Variants in WDR33 observed in about 807,000 individuals in gnomAD.
WDR33 encodes WD repeat domain 33.
In WDR33, 47 loss-of-function variants were observed where a neutral mutation model predicts 164.9. That is an observed-to-expected ratio of 0.29 (90% CI 0.23 to 0.36). The LOEUF (loss-of-function observed/expected upper bound fraction) is 0.36, where lower values mean the gene tolerates loss of function less well. Ranked by LOEUF, WDR33 falls within the 10% of genes least tolerant of loss-of-function variation. The pLI is 1.00. For missense variants in WDR33, 1,137 were observed against 1,754.1 expected (o/e 0.65, Z 6.28); for synonymous variants, 505 against 589.0 (o/e 0.86, Z 2.06).
At chr2:127,809,805 T>A (rs1689582434) in intron 1 of WDR33, among the ~76,000 whole-genome samples, 1 of 152,078 alleles carries the variant, frequency 6.6e-6, no homozygotes, top group Admixed American at 6.6e-5. Context: ...CTCCCCAAGT[T>A]TCAAGAAGAT....
intron 7 of WDR33, chr2:127,736,483 T>TA (rs1218404398): frequency 8.1e-6 from 8 of 985,216 alleles, no homozygotes; most frequent in Non-Finnish European, 9.6e-6. Flanking sequence ...TACACAAACA[T>TA]AAAAAAGCAA....
At position 127,712,303 on chromosome 2, in the gene WDR33, G is replaced by A. The variant is rs1298964984; in HGVS notation, c.3308+1280C>T. Among the ~76,000 whole-genome samples the A allele has an allele frequency of 6.6e-6, 1 of 152,036 alleles. No homozygotes were observed. The highest frequency in any genetic ancestry group is 1.9e-4 in the East Asian group (1 of 5,150). Reference sequence around the variant, plus strand: ...CCCAGCTCCTCAAGAGGCTGAGACAGGAGAATCACTTGAACCTGGAAGGTG... The same window carrying A: ...CCCAGCTCCTCAAGAGGCTGAGACAAGAGAATCACTTGAACCTGGAAGGTG... On this transcript the variant is annotated intron_variant, in intron 18 of 21. Transcript: ENST00000322313. This position sits in a 1 kb window ranked among gnomAD's most constrained non-coding sequence, Gnocchi z 4.0.
chr2:127,775,582 A>C (rs1417754516), intron 1 of WDR33, among the ~76,000 whole-genome samples: 1 of 152,246 alleles, frequency 6.6e-6, no homozygotes, highest in East Asian at 1.9e-4. Context: ...ACAAAGCACT[A>C]ATCAAAAGAC....
chr2:127,722,735 A>G lies in WDR33; in HGVS notation c.1379-5T>C, dbSNP rs781178857. 1 of 1,613,000 alleles carries G rather than the reference A, an allele frequency of 6.2e-7. No homozygotes were observed. Among genetic ancestry groups the G allele is most frequent in the East Asian group, 2.2e-5 (1 of 44,868 alleles). On this transcript the variant is annotated splice_polypyrimidine_tract_variant and splice_region_variant and intron_variant, in intron 13 of 21. Transcript: ENST00000322313. The surrounding 1 kb of genome is among the most constrained non-coding windows in gnomAD (Gnocchi z 5.1). Reference sequence around the variant, plus strand: ...TTTCATTTGATTCATCTTTCCCTGTAACCGTAAAGAAAAGTGGTTTGCCTC... The same window carrying G: ...TTTCATTTGATTCATCTTTCCCTGTGACCGTAAAGAAAAGTGGTTTGCCTC...
chr2:127,723,810 C>T lies in WDR33; in HGVS notation c.1197-463G>A, dbSNP rs982953518. Among the ~76,000 whole-genome samples, 1 of 152,006 alleles carries T rather than the reference C, an allele frequency of 6.6e-6. No homozygotes were observed. Among genetic ancestry groups the T allele is most frequent in the Non-Finnish European group, 1.5e-5 (1 of 68,002 alleles). ...TAAAATGTGGGGCCGGGCAAGGTGG[C>T]TCATGCCTGTAATCCCAGCACCTTG... On this transcript the variant is annotated intron_variant, in intron 11 of 21. Coordinates refer to ENST00000322313, the MANE Select transcript of WDR33 (RefSeq NM_018383.5). The surrounding 1 kb of genome is among the most constrained non-coding windows in gnomAD (Gnocchi z 5.9).
At chr2:127,711,665 G>C (rs72968939) in intron 18 of WDR33, among the ~76,000 whole-genome samples, 8,963 of 146,734 alleles carry the variant, frequency 0.061, 563 homozygotes, top group African/African-American at 0.16. Flanking sequence ...CCCCGACTAT[G>C]TCATGCTTCT....
At chr2:127,711,776 A>ATTTTTTTTTTTTTTTTTT (rs1284723078) in intron 18 of WDR33, among the ~76,000 whole-genome samples, 4 of 94,088 alleles carry the variant, frequency 4.3e-5, no homozygotes, top group African/African-American at 1.2e-4. Flanking sequence ...ATATATATAT[A>ATTTTTTTTTTTTTTTTTT]TATATTTTTT....
rs968756717 is a variant in WDR33 at position 127,721,171 on chromosome 2, G to A, written c.1671+665C>T. Among the ~76,000 whole-genome samples the A allele has an allele frequency of 6.6e-6, 1 of 151,856 alleles. No individual in the cohort carries two copies. Among genetic ancestry groups the A allele is most frequent in the Non-Finnish European group, 1.5e-5 (1 of 67,968 alleles). On this transcript the variant is annotated intron_variant, in intron 15 of 21. Transcript: ENST00000322313. The surrounding 1 kb of genome is among the most constrained non-coding windows in gnomAD (Gnocchi z 4.9). ...GGCACAGGCTGGAGTGCAGTGGTAC[G>A]ATCTCGGCTCACTGAAACTTCTGCC...
In WDR33 at chr2:127,736,219, A is replaced by T. The variant is rs556751738; in HGVS notation, c.725-9442T>A. The T allele has an allele frequency of 6.1e-6, 6 of 985,464 alleles. No homozygotes were observed. The African/African-American group carries it at 8.7e-5, about 14-fold the overall frequency. 61.0% of individuals were successfully genotyped at this position (985,464 alleles called of 1,614,324 possible). A position where few individuals can be genotyped will look rare whatever the true frequency, so the allele number is the denominator to read the frequency against. ...AAGGCTGATTTTGGAAATGTGAAAC[A>T]CTAGCTTACTACATTTGTCTGGCAA... On this transcript the variant is annotated intron_variant, in intron 7 of 21. Transcript: ENST00000322313.
chr2:127,707,021 G>C (rs1686032884), intron 21 of WDR33, among the ~76,000 whole-genome samples: 1 of 152,224 alleles, frequency 6.6e-6, no homozygotes, highest in South Asian at 2.1e-4. Flanking sequence ...CCCGTGACAT[G>C]TGGCACTTTT....
Position 127,720,027 on chromosome 2 carries a change from T to C in WDR33, c.1998A>G (p.Pro666=), listed in dbSNP as rs201126759. The C allele has an allele frequency of 1.9e-6, 3 of 1,613,926 alleles. No homozygotes were observed. In the East Asian group the frequency reaches 6.7e-5, roughly 36 times the overall value. The change falls in exon 16 of 22, where the codon CCA becomes CCG. Residue 666 remains proline, a synonymous_variant. Transcript: ENST00000322313. This position sits in a 1 kb window ranked among gnomAD's most constrained non-coding sequence, Gnocchi z 5.9. Reference sequence around the variant, plus strand: ...GGGGCCCATGCATGTCCTGAGGCCGTGGCAACCCCTGGGGCGGGCCCTGGG... The same window carrying C: ...GGGGCCCATGCATGTCCTGAGGCCGCGGCAACCCCTGGGGCGGGCCCTGGG... ...QGPQGPPQGL[P]RPQDMHGPQG... is the part of the protein sequence containing the mutation.
intron 1 of WDR33, among the ~76,000 whole-genome samples, chr2:127,785,466 A>T (rs1168179366): frequency 1.3e-5 from 2 of 152,082 alleles, no homozygotes; most frequent in Non-Finnish European, 2.9e-5. Context: ...CCTCTGCTCT[A>T]TCTATTCATC....
At chr2:127,793,348 T>C (rs1366908511) in intron 1 of WDR33, among the ~76,000 whole-genome samples, 3 of 151,492 alleles carry the variant, frequency 2.0e-5, no homozygotes, top group East Asian at 3.9e-4. Flanking sequence ...GGAGAATCGC[T>C]TCAACCCGGG....
At chr2:127,730,239 T>C (rs1686669979) in intron 7 of WDR33, among the ~76,000 whole-genome samples, 1 of 152,198 alleles carries the variant, frequency 6.6e-6, no homozygotes, top group African/African-American at 2.4e-5. Context: ...CATATATCAT[T>C]AAAAGAATGT....
At chr2:127,767,796 G>A (rs141367630) in intron 4 of WDR33, among the ~76,000 whole-genome samples, 8 of 152,204 alleles carry the variant, frequency 5.3e-5, no homozygotes, top group South Asian at 2.1e-4. Flanking sequence ...TAAAAATTAC[G>A]GTACACCACA....
chr2:127,759,496 G>A lies in WDR33; in HGVS notation c.724+3566C>T, dbSNP rs148693849. On this transcript the variant is annotated intron_variant, in intron 7 of 21. Coordinates refer to ENST00000322313, the MANE Select transcript of WDR33 (RefSeq NM_018383.5). The stretch of plus-strand genomic sequence containing the variant: ...ACGTGAGGTCAGCAGCTCTAGACCA[G>A]CCTGGTCAACATGGTGAAACTCTGT... Among the ~76,000 whole-genome samples, 194 of 152,210 alleles carry A rather than the reference G, an allele frequency of 1.3e-3. 1 individual carries two copies. Among genetic ancestry groups the A allele is most frequent in the Middle Eastern group, 6.8e-3 (2 of 294 alleles).
chr2:127,795,028 A>T (rs2105486455), intron 1 of WDR33, among the ~76,000 whole-genome samples: 1 of 151,690 alleles, frequency 6.6e-6, no homozygotes, highest in Non-Finnish European at 1.5e-5. Flanking sequence ...CTTAAACTGC[A>T]TGCTACTAAT....
At chr2:127,805,068 CTTTTTTTTTTTTTTTTT>C (rs201681607) in intron 1 of WDR33, among the ~76,000 whole-genome samples, 18 of 84,418 alleles carry the variant, frequency 2.1e-4, no homozygotes, top group Admixed American at 9.6e-4. Flanking sequence ...GAAGTTTTTT[CTTTTTTTTTTTTTTTTT>C]TTTTTTTTTT....
At chr2:127,756,302 C>T (rs578137450) in intron 7 of WDR33, among the ~76,000 whole-genome samples, 86 of 149,696 alleles carry the variant, frequency 5.7e-4, no homozygotes, top group South Asian at 3.2e-3. Flanking sequence ...CCACTGCACT[C>T]CAGCCTGGGC....
Sources: gnomAD v4.1 joint callset for allele counts (sites outside exome capture counted in the v4.1 genomes callset) on GRCh38, gnomAD v4.1.1 for gene constraint, Gnocchi (gnomAD v3.1) non-coding constraint, MANE v1.5 for transcripts, NCBI Gene and HGNC (gene_info 2026-07-23, HGNC 2026-07-21) for gene names.